KCNQ1: variants seen among roughly 807,000 people sequenced by gnomAD.
KCNQ1 encodes the protein potassium voltage-gated channel subfamily Q member 1.
KCNQ1 carries 49 observed loss-of-function variants against 72.4 expected under a neutral mutation model. That is an observed-to-expected ratio of 0.68 (90% CI 0.54 to 0.86). The LOEUF is 0.86. KCNQ1 is among the 40% of genes least tolerant of loss of function. The probability of loss-of-function intolerance (pLI) is 0.00; values close to 1 mark genes in which losing one functional copy is unlikely to be tolerated. For synonymous variants in KCNQ1, 450 were observed against 412.6 expected (o/e 1.09, Z -1.10); for missense variants, 790 against 945.1 (o/e 0.84, Z 2.15).
rs2133793112 is a variant in KCNQ1, at chr11:2,612,922, A to G, written c.1393+24068A>G. 5.0e-6 allele frequency: 2 copies of G among 398,540 alleles called. No homozygotes were observed. The highest frequency in any genetic ancestry group is 4.4e-6 in the Non-Finnish European group (1 of 226,058). The allele number at this position is 398,540 out of a possible 1,614,324, so 24.7% of individuals were successfully genotyped here. On this transcript the variant is annotated intron_variant, in intron 10 of 15. Transcript: ENST00000155840. The surrounding 1 kb of genome is among the most constrained non-coding windows in gnomAD (Gnocchi z 5.5). ...CATTTATTTGTTTGCTCGCTTGTGT[A>G]TGCCTTCTCTGCATGGATTCTGCAG...
intron 1 of KCNQ1, among the ~76,000 whole-genome samples, chr11:2,496,297 C>G (rs1168650720): frequency 6.6e-6 from 1 of 151,736 alleles, no homozygotes; most frequent in Admixed American, 6.6e-5. Context: ...ATTAGTCAGG[C>G]ATGGTGGCGG....
intron 11 of KCNQ1, among the ~76,000 whole-genome samples, chr11:2,708,055 T>C (rs537169969): frequency 6.6e-6 from 1 of 152,364 alleles, no homozygotes; most frequent in South Asian, 2.1e-4. Flanking sequence ...GCTGTTCCCC[T>C]GTTTCCCAAG....
rs1473266100 is a variant in KCNQ1, at chr11:2,488,668, C to A, written c.387-39260C>A. Among the ~76,000 whole-genome samples, 1 of 152,114 alleles carries A rather than the reference C, an allele frequency of 6.6e-6. No homozygotes were observed. The highest frequency in any genetic ancestry group is 2.4e-5 in the African/African-American group (1 of 41,422). Reference sequence around the variant, plus strand: ...TTGTTCACAATACTCTCTTATAATCCTTTTTATTTCTGTAGAATTGATAGT... The same window carrying A: ...TTGTTCACAATACTCTCTTATAATCATTTTTATTTCTGTAGAATTGATAGT... On this transcript the variant is annotated intron_variant, in intron 1 of 15. Transcript: ENST00000155840. This position sits in a 1 kb window ranked among gnomAD's most constrained non-coding sequence, Gnocchi z 5.1.
intron 11 of KCNQ1, among the ~76,000 whole-genome samples, chr11:2,729,549 G>A (rs1289357785): frequency 6.6e-6 from 1 of 152,244 alleles, no homozygotes; most frequent in Non-Finnish European, 1.5e-5. Flanking sequence ...ACTGTGGATG[G>A]AAAATGTTTG....
chr11:2,663,099 G>T lies in KCNQ1; in HGVS notation c.1514+1018G>T, dbSNP rs1278573035. 2 of 398,578 alleles carry T rather than the reference G, an allele frequency of 5.0e-6. No homozygotes were observed. Among genetic ancestry groups the T allele is most frequent in the African/African-American group, 4.1e-5 (2 of 48,642 alleles). 24.7% of individuals were successfully genotyped at this position (398,578 alleles called of 1,614,324 possible). The stretch of plus-strand genomic sequence containing the variant: ...CCAGAATGAGGCCACCTCCAGGGAA[G>T]GAGTGGCTATCTTAAGGGGTAATTA... On this transcript the variant is annotated intron_variant, in intron 11 of 15. Coordinates refer to ENST00000155840, the MANE Select transcript of KCNQ1 (RefSeq NM_000218.3). The surrounding 1 kb of genome is among the most constrained non-coding windows in gnomAD (Gnocchi z 5.2).
chr11:2,773,210 A>C (rs536811092), intron 12 of KCNQ1, among the ~76,000 whole-genome samples: 1 of 152,258 alleles, frequency 6.6e-6, no homozygotes, highest in East Asian at 1.9e-4. Flanking sequence ...AAGGAAGATC[A>C]AGGCTCAGTA....
chr11:2,733,814 A>ACACACTCTCTCACTCTCTCT, intron 11 of KCNQ1, among the ~76,000 whole-genome samples: 53 of 86,624 alleles, frequency 6.1e-4, no homozygotes, highest in East Asian at 5.4e-3. Flanking sequence ...ACACACACAC[A>ACACACTCTCTCACTCTCTCT]CTCTCTCACT....
intron 15 of KCNQ1, among the ~76,000 whole-genome samples, chr11:2,814,352 T>C (rs1311514456): frequency 6.7e-6 from 1 of 148,532 alleles, no homozygotes; most frequent in Non-Finnish European, 1.5e-5. Context: ...GAGAGATGGA[T>C]GAATGGATAA....
rs949613170 is a variant in KCNQ1 at position 2,745,456 on chromosome 11, G to T, written c.1515-23388G>T. 6.6e-6 allele frequency among the ~76,000 whole-genome samples: 1 copy of T among 152,264 alleles called. No homozygotes were observed. Among genetic ancestry groups the T allele is most frequent in the Non-Finnish European group, 1.5e-5 (1 of 68,018 alleles). ...TATAAAGAAATGCCATTGATTTGGG[G>T]GGGTTGATCTCACACCTGACAACCA... On this transcript the variant is annotated intron_variant, in intron 11 of 15. Coordinates refer to ENST00000155840, the MANE Select transcript of KCNQ1 (RefSeq NM_000218.3). This position sits in a 1 kb window ranked among gnomAD's most constrained non-coding sequence, Gnocchi z 6.2.
rs999226617 is a variant in KCNQ1, at chr11:2,498,470, C to A, written c.387-29458C>A. Among the ~76,000 whole-genome samples the A allele has an allele frequency of 6.6e-6, 1 of 152,242 alleles. No individual in the cohort carries two copies. The highest frequency in any genetic ancestry group is 1.5e-5 in the Non-Finnish European group (1 of 68,040). ...ATTCTGCCCAGTCCAAGCCTCCCAG[C>A]CTCCTTAGCACTATCAGGGGAAAAC... On this transcript the variant is annotated intron_variant, in intron 1 of 15. Coordinates refer to ENST00000155840, the MANE Select transcript of KCNQ1 (RefSeq NM_000218.3). This position sits in a 1 kb window ranked among gnomAD's most constrained non-coding sequence, Gnocchi z 4.8.
chr11:2,461,926 G>T, intron 1 of KCNQ1: 1 of 404,276 alleles, frequency 2.5e-6, no homozygotes, highest in Non-Finnish European at 4.8e-6. Context: ...CCCACTGGGT[G>T]CAGCTGTCTG....
chr11:2,641,366 C>T (rs1849574181), intron 10 of KCNQ1: 1 of 398,294 alleles, frequency 2.5e-6, no homozygotes, highest in East Asian at 3.6e-5. Context: ...TTTTGGCTTG[C>T]ATTTCCCTTA....
intron 11 of KCNQ1, among the ~76,000 whole-genome samples, chr11:2,738,610 C>T (rs1340570984): frequency 2.6e-5 from 4 of 152,292 alleles, no homozygotes; most frequent in Middle Eastern, 3.4e-3. Flanking sequence ...CCCTCCTGGG[C>T]CCCCGAGTCA....
intron 11 of KCNQ1, chr11:2,699,226 C>T (rs1850729686): frequency 2.5e-6 from 1 of 398,670 alleles, no homozygotes; most frequent in Non-Finnish European, 4.4e-6. Context: ...GACCTCGACC[C>T]TGGCCACGCT....
At position 2,458,975 on chromosome 11, in the gene KCNQ1, C is replaced by G. The variant is rs1446780814; in HGVS notation, c.386+13491C>G. Among the ~76,000 whole-genome samples, 1 of 152,226 alleles carries G rather than the reference C, an allele frequency of 6.6e-6. No individual in the cohort carries two copies. Among genetic ancestry groups the G allele is most frequent in the Admixed American group, 6.5e-5 (1 of 15,286 alleles). On this transcript the variant is annotated intron_variant, in intron 1 of 15. Coordinates refer to ENST00000155840, the MANE Select transcript of KCNQ1 (RefSeq NM_000218.3). The surrounding 1 kb of genome is among the most constrained non-coding windows in gnomAD (Gnocchi z 4.6). ...AATTACTTCTGGTTTGCTGCATGTT[C>G]CATTTTTGCCCATGCCGCACCTGCC...
intron 10 of KCNQ1, chr11:2,637,822 T>C (rs1849500164): frequency 6.6e-6 from 1 of 152,224 alleles, no homozygotes; most frequent in Non-Finnish European, 1.5e-5. Context: ...GGAGTCTGTC[T>C]CTTTGTAGAT....
rs2133750895 is a variant in KCNQ1 at position 2,583,517 on chromosome 11, T to G, written c.1004T>G (p.Phe335Cys). 1 of 1,613,946 alleles carries G rather than the reference T, an allele frequency of 6.2e-7. No homozygotes were observed. The highest frequency in any genetic ancestry group is 8.5e-7 in the Non-Finnish European group (1 of 1,179,856). Residue 335 changes from phenylalanine to cysteine, a missense_variant, in exon 7 of 16, where the codon TTT becomes TGT. Phe to Cys is a radical substitution (Grantham distance 205). This residue lies in a region of KCNQ1 where 133 missense variants were observed against 219.5 expected (regional missense o/e 0.61). Transcript: ENST00000155840. ...GKTIASCFSV[F>C]AISFFALPAG... Reference sequence around the variant, plus strand: ...ACCATCGCCTCCTGCTTCTCTGTCTTTGCCATCTCCTTCTTTGCGCTCCCA... The same window carrying G: ...ACCATCGCCTCCTGCTTCTCTGTCTGTGCCATCTCCTTCTTTGCGCTCCCA...
rs1218418217 is a variant in KCNQ1 at position 2,497,462 on chromosome 11, A to G, written c.387-30466A>G. Among the ~76,000 whole-genome samples, 1 of 152,038 alleles carries G rather than the reference A, an allele frequency of 6.6e-6. No homozygotes were observed. Among genetic ancestry groups the G allele is most frequent in the Admixed American group, 6.6e-5 (1 of 15,264 alleles). The stretch of plus-strand genomic sequence containing the variant: ...TTTCTTCCACTTGATTCATTTGGCT[A>G]TTGATACTTGTGTATGCATCACAAA... On this transcript the variant is annotated intron_variant, in intron 1 of 15. Coordinates refer to ENST00000155840, the MANE Select transcript of KCNQ1 (RefSeq NM_000218.3). This position sits in a 1 kb window ranked among gnomAD's most constrained non-coding sequence, Gnocchi z 4.5.
At chr11:2,469,406 T>C (rs962585740) in intron 1 of KCNQ1, among the ~76,000 whole-genome samples, 4 of 152,084 alleles carry the variant, frequency 2.6e-5, no homozygotes, top group African/African-American at 9.7e-5. Flanking sequence ...CCCAAGTAGT[T>C]GGGACTACAG....
Sources: gnomAD v4.1 joint callset for allele counts (sites outside exome capture counted in the v4.1 genomes callset) on GRCh38, gnomAD v4.1.1 for gene constraint, gnomAD v4.1.1 regional missense constraint, Gnocchi (gnomAD v3.1) non-coding constraint, MANE v1.5 for transcripts, NCBI Gene and HGNC (gene_info 2026-07-23, HGNC 2026-07-21) for gene names.